DCBLD1: variants seen among roughly 807,000 people sequenced by gnomAD.
DCBLD1 encodes the protein discoidin, CUB and LCCL domain containing 1, also known as discoidin, CUB and LCCL domain-containing protein 1.
In DCBLD1, 57 loss-of-function variants were observed where a neutral mutation model predicts 71.5. The ratio of observed to expected loss-of-function variants is 0.80; its 90% CI spans 0.64 to 0.99. DCBLD1 has a LOEUF of 0.99. DCBLD1 is among the 50% of genes least tolerant of loss of function. The pLI, the probability that DCBLD1 is intolerant of heterozygous loss-of-function variation, is 0.00. For synonymous variants in DCBLD1, 380 were observed against 363.8 expected (o/e 1.04, Z -0.51); for missense variants, 891 against 923.5 (o/e 0.96, Z 0.46).
chr6:117,539,499 T>C, intron 9 of DCBLD1, 120 bp downstream of exon 9: 1 of 1,165,276 alleles, frequency 8.6e-7, no homozygotes, highest in Non-Finnish European at 1.2e-6. Flanking sequence ...AGCATGGTGG[T>C]TCATGCCTGT....
intron 4 of DCBLD1, among the ~76,000 whole-genome samples, chr6:117,522,533 C>A (rs1370668140): frequency 1.3e-5 from 2 of 152,082 alleles, no homozygotes; most frequent in Non-Finnish European, 2.9e-5. Flanking sequence ...CCTCAAACTC[C>A]AGGGCTCAAA....
intron 5 of DCBLD1, among the ~76,000 whole-genome samples, chr6:117,529,957 C>T (rs1000925762): frequency 2.0e-5 from 3 of 152,186 alleles, no homozygotes; most frequent in African/African-American, 4.8e-5. Flanking sequence ...GCTGTTAGAT[C>T]CTGTTGCTCG....
At chr6:117,566,852 A>C (rs1302094782) in intron 14 of DCBLD1, 4 of 1,538,344 alleles carry the variant, frequency 2.6e-6, no homozygotes, top group Non-Finnish European at 3.5e-6. Context: ...AGTGATTTTT[A>C]CCTTGTAATA....
At chr6:117,487,799 ATT>A (rs199913052) in intron 1 of DCBLD1, among the ~76,000 whole-genome samples, 40 of 147,206 alleles carry the variant, frequency 2.7e-4, no homozygotes, top group Non-Finnish European at 5.4e-4. Context: ...AGAATTTCAG[ATT>A]TTTTTTTTTT....
Position 117,512,744 on chromosome 6 carries a change from A to G in DCBLD1, c.326-7072A>G, listed in dbSNP as rs1430975811. 2.0e-5 allele frequency among the ~76,000 whole-genome samples: 3 copies of G among 152,142 alleles called. No individual in the cohort carries two copies. The East Asian group carries it at 5.8e-4, about 29-fold the overall frequency. On this transcript the variant is annotated intron_variant, in intron 2 of 14. Coordinates refer to ENST00000338728, the MANE Select transcript of DCBLD1 (RefSeq NM_001366458.2). Reference sequence around the variant, plus strand: ...CATAAGAAAGAATTGTGTGCTTCAGATGATGCTCCAGAAGGTTAATGAGGG... The same window carrying G: ...CATAAGAAAGAATTGTGTGCTTCAGGTGATGCTCCAGAAGGTTAATGAGGG...
At chr6:117,544,418 C>A in intron 12 of DCBLD1, 110 bp from the exon 13 acceptor site, 3 of 989,274 alleles carry the variant, frequency 3.0e-6, no homozygotes, top group South Asian at 2.5e-5. Flanking sequence ...TCATTTAATT[C>A]TCACATCAAC....
chr6:117,515,000 G>T (rs1582994196), intron 2 of DCBLD1, among the ~76,000 whole-genome samples: 2 of 148,046 alleles, frequency 1.4e-5, no homozygotes, highest in Admixed American at 6.7e-5. Flanking sequence ...ATTTAGACTT[G>T]CTTACCTTAC....
rs1779348745 is a variant in DCBLD1 at position 117,548,331 on chromosome 6, C to T, written c.2040C>T (p.His680=). The T allele has an allele frequency of 2.6e-6, 4 of 1,550,608 alleles. No individual in the cohort carries two copies. Among genetic ancestry groups the T allele is most frequent in the East Asian group, 2.4e-5 (1 of 40,930 alleles). ...GCGCCCTCGCCACCGAAAGCGGGCACCCTGACTCTCAGAAGCCCCCAACGC... is the reference window on the plus strand; with the variant it reads ...GCGCCCTCGCCACCGAAAGCGGGCATCCTGACTCTCAGAAGCCCCCAACGC... The part of the protein sequence containing the change: ...AVSALATESG[H]PDSQKPPTHP... The change falls in exon 15 of 15, where the codon CAC becomes CAT. Residue 680 remains histidine, a synonymous_variant. Transcript: ENST00000338728.
chr6:117,490,285 A>G (rs544941271), intron 1 of DCBLD1, among the ~76,000 whole-genome samples: 5 of 152,312 alleles, frequency 3.3e-5, no homozygotes, highest in Non-Finnish European at 5.9e-5. Flanking sequence ...ATGCTTTTAT[A>G]TTCTGATTTT....
At chr6:117,535,309 C>T (rs151336755) in intron 6 of DCBLD1, among the ~76,000 whole-genome samples, 45 of 152,270 alleles carry the variant, frequency 3.0e-4, no homozygotes, top group African/African-American at 1.1e-3. Context: ...TGGTGCTAAC[C>T]ATCAGAAGTG....
At chr6:117,562,881 A>G (rs1173645075) in intron 14 of DCBLD1, 2 of 230,208 alleles carry the variant, frequency 8.7e-6, no homozygotes, top group Non-Finnish European at 1.7e-5. Flanking sequence ...TACTCTCTGT[A>G]TTTTAAAGGG....
In DCBLD1 at chr6:117,548,908, G is replaced by A. The variant is rs1202037556; in HGVS notation, c.*469G>A. 5.0e-6 allele frequency: 5 copies of A among 996,416 alleles called. No homozygotes were observed. In the East Asian group the frequency reaches 3.3e-4, roughly 67 times the overall value. 61.7% of individuals were successfully genotyped at this position (996,416 alleles called of 1,614,324 possible). On this transcript the variant is annotated 3_prime_UTR_variant, in exon 15 of 15. Transcript: ENST00000338728. ...ATTATCTGATACTGTGTTAGCAGCAGGTCTGCTTAAACCTAGTCTTGTTGT... is the reference window on the plus strand; with the variant it reads ...ATTATCTGATACTGTGTTAGCAGCAAGTCTGCTTAAACCTAGTCTTGTTGT...
chr6:117,541,385 A>G (rs972726960), intron 11 of DCBLD1, among the ~76,000 whole-genome samples: 2 of 152,212 alleles, frequency 1.3e-5, no homozygotes, highest in African/African-American at 4.8e-5. Flanking sequence ...CTTAAAAAAA[A>G]TAAGCAAAAT....
At chr6:117,502,397 C>A (rs537781372) in intron 1 of DCBLD1, among the ~76,000 whole-genome samples, 1 of 152,174 alleles carries the variant, frequency 6.6e-6, no homozygotes, top group Admixed American at 6.5e-5. Flanking sequence ...ATGGGTAGAT[C>A]CTTTCCCTAG....
chr6:117,517,518 C>G (rs1778242682), intron 2 of DCBLD1, among the ~76,000 whole-genome samples: 1 of 152,194 alleles, frequency 6.6e-6, no homozygotes, highest in South Asian at 2.1e-4. Context: ...CCAGTAGGTA[C>G]TCTGTGTGGG....
chr6:117,547,871 G>T, intron 14 of DCBLD1, 36 bp from the exon 15 acceptor site: 1 of 1,550,320 alleles, frequency 6.5e-7, no homozygotes, highest in South Asian at 1.2e-5. Context: ...GCCCGTGTGT[G>T]GTGCCCGCTA....
At chr6:117,503,162 G>A (rs1363415338) in intron 1 of DCBLD1, among the ~76,000 whole-genome samples, 1 of 135,696 alleles carries the variant, frequency 7.4e-6, no homozygotes, top group Non-Finnish European at 1.5e-5. Context: ...ACTCAACATA[G>A]TAGATCCTTG....
rs1779315157 is a variant in DCBLD1 at position 117,547,700 on chromosome 6, G to A, written c.1616-207G>A. The A allele has an allele frequency of 2.1e-5, 22 of 1,064,062 alleles. No homozygotes were observed. The South Asian group carries it at 2.9e-4, about 14-fold the overall frequency. The allele number at this position is 1,064,062 out of a possible 1,614,324, so 65.9% of individuals were successfully genotyped here. ...CCCATCTCTGAGAAGACCCTGCGAA[G>A]CTTCCTGAGCAGGCGGTGCGGTTGT... On this transcript the variant is annotated intron_variant, in intron 14 of 14. Transcript: ENST00000338728.
chr6:117,484,196 AT>A (rs1175409143), intron 1 of DCBLD1, among the ~76,000 whole-genome samples: 2 of 152,172 alleles, frequency 1.3e-5, no homozygotes, highest in Non-Finnish European at 2.9e-5. Context: ...GTCCAGCAGT[AT>A]GTTCCTGTAC....
Sources: gnomAD v4.1 joint callset for allele counts (sites outside exome capture counted in the v4.1 genomes callset) on GRCh38, gnomAD v4.1.1 for gene constraint, MANE v1.5 for transcripts, NCBI Gene and HGNC (gene_info 2026-07-23, HGNC 2026-07-21) for gene names.